Variants in HS6ST2 observed in about 807,000 individuals in gnomAD.
HS6ST2 encodes heparan sulfate 6-O-sulfotransferase 2.
A neutral mutation model predicts 33.0 loss-of-function variants in HS6ST2; 17 were observed. The observed-to-expected ratio is 0.52, with a 90% CI of 0.35 to 0.77. The LOEUF is 0.77. Ranked by LOEUF, HS6ST2 falls within the 30% of genes least tolerant of loss-of-function variation. The pLI is 0.01. For synonymous variants in HS6ST2, 248 were observed against 237.1 expected, an observed-to-expected ratio of 1.05 and a Z score of -0.42; for missense variants, 519 against 551.7, an observed-to-expected ratio of 0.94 and a Z score of 0.59.
At chrX:132,942,850 A>G (rs1446236626) in intron 2 of HS6ST2, among the ~76,000 whole-genome samples, 1 of 112,310 alleles carries the variant, frequency 8.9e-6, no homozygotes, top group East Asian at 2.8e-4. Context: ...AAGGAGCAAG[A>G]TTCTTTGGCC....
At chrX:132,675,194 T>G (rs2063915365) in intron 3 of HS6ST2, among the ~76,000 whole-genome samples, 1 of 110,248 alleles carries the variant, frequency 9.1e-6, no homozygotes, top group East Asian at 2.9e-4. Context: ...AGTAGGCAAT[T>G]AGAGAAATGG....
At chrX:132,908,349 C>T (rs779151007) in intron 2 of HS6ST2, among the ~76,000 whole-genome samples, 1 of 112,095 alleles carries the variant, frequency 8.9e-6, no homozygotes, top group African/African-American at 3.2e-5. Flanking sequence ...TGGAAAACAG[C>T]CTGACAATTC....
intron 2 of HS6ST2, among the ~76,000 whole-genome samples, chrX:132,890,330 T>C (rs1426283384): frequency 9.2e-6 from 1 of 108,992 alleles, no homozygotes; most frequent in Non-Finnish European, 1.9e-5. Flanking sequence ...CCATGCAGTC[T>C]GACTACAAGG....
chrX:132,731,091 T>C (rs948753699), intron 2 of HS6ST2, among the ~76,000 whole-genome samples: 6 of 111,658 alleles, frequency 5.4e-5, no homozygotes, highest in African/African-American at 2.0e-4. Flanking sequence ...TACTTTAGGA[T>C]ACACAGAGAG....
intron 2 of HS6ST2, among the ~76,000 whole-genome samples, chrX:132,841,742 A>C: frequency 8.9e-6 from 1 of 112,233 alleles, no homozygotes; most frequent in Non-Finnish European, 1.9e-5. Flanking sequence ...ATAAAGACAA[A>C]ACTCCAGCTT....
chrX:132,860,128 T>A (rs1388114477), intron 2 of HS6ST2, among the ~76,000 whole-genome samples: 2 of 111,922 alleles, frequency 1.8e-5, no homozygotes, highest in Admixed American at 1.9e-4. Context: ...CGGTGGGTAA[T>A]TTGTTGATTT....
intron 3 of HS6ST2, among the ~76,000 whole-genome samples, chrX:132,706,822 T>C (rs2064192381): frequency 8.9e-6 from 1 of 112,229 alleles, no homozygotes; most frequent in Non-Finnish European, 1.9e-5. Flanking sequence ...TTGAAAAATA[T>C]GCTAGCCTTG....
intron 2 of HS6ST2, among the ~76,000 whole-genome samples, chrX:132,728,999 A>C (rs1358335326): frequency 8.9e-6 from 1 of 112,170 alleles, no homozygotes; most frequent in Non-Finnish European, 1.9e-5. Context: ...TCCCATTGTG[A>C]AGTGGCATTA....
chrX:132,786,647 C>T (rs5933194), intron 2 of HS6ST2, among the ~76,000 whole-genome samples: 31,911 of 104,531 alleles, frequency 0.31, 3,985 homozygotes, highest in Non-Finnish European at 0.35. Context: ...GACAGAGTTT[C>T]GCTCTTGTTA....
intron 2 of HS6ST2, among the ~76,000 whole-genome samples, chrX:132,814,027 C>A: frequency 9.0e-6 from 1 of 111,360 alleles, no homozygotes; most frequent in East Asian, 2.8e-4. Flanking sequence ...TCACTGCAAC[C>A]TTTGCCTCCC....
chrX:132,699,829 G>A lies in HS6ST2; in HGVS notation c.980+8633C>T, dbSNP rs1347348757. Reference sequence around the variant, plus strand: ...TGCAAACAAGCAGCAGTGAGCTTAAGAAACACTTTACTTTGTCTCATGCAT... The same window carrying A: ...TGCAAACAAGCAGCAGTGAGCTTAAAAAACACTTTACTTTGTCTCATGCAT... On this transcript the variant is annotated intron_variant, in intron 3 of 4. Coordinates refer to ENST00000370833, the MANE Select transcript of HS6ST2 (RefSeq NM_001394073.1). Among the ~76,000 whole-genome samples the A allele has an allele frequency of 2.7e-5, 3 of 111,968 alleles. No individual in the cohort carries two copies. The East Asian group carries it at 8.4e-4, about 31-fold the overall frequency.
intron 2 of HS6ST2, among the ~76,000 whole-genome samples, chrX:132,747,553 G>A (rs1001866612): frequency 4.5e-5 from 5 of 110,787 alleles, no homozygotes; most frequent in African/African-American, 1.6e-4. Context: ...GCAAAGACTA[G>A]AAGAAAGAAC....
intron 4 of HS6ST2, among the ~76,000 whole-genome samples, chrX:132,634,380 G>C (rs1332606603): frequency 3.6e-5 from 4 of 112,249 alleles, no homozygotes; most frequent in Non-Finnish European, 5.6e-5. Flanking sequence ...TCACTTAGTA[G>C]TAATTGGACA....
At chrX:132,871,867 T>C (rs2066063068) in intron 2 of HS6ST2, among the ~76,000 whole-genome samples, 1 of 111,163 alleles carries the variant, frequency 9.0e-6, no homozygotes. Flanking sequence ...CACCATGGCA[T>C]GTGTATACAT....
At chrX:132,922,327 A>G (rs2066660402) in intron 2 of HS6ST2, among the ~76,000 whole-genome samples, 1 of 112,072 alleles carries the variant, frequency 8.9e-6, no homozygotes, top group Non-Finnish European at 1.9e-5. Flanking sequence ...CTTCCTAGGC[A>G]GATGTGGATA....
At chrX:132,643,949 C>A (rs1476523975) in intron 4 of HS6ST2, among the ~76,000 whole-genome samples, 1 of 111,848 alleles carries the variant, frequency 8.9e-6, no homozygotes, top group Non-Finnish European at 1.9e-5. Context: ...CGTGAGCCAC[C>A]TACAGAGCTT....
intron 2 of HS6ST2, among the ~76,000 whole-genome samples, chrX:132,922,478 G>A (rs1018007721): frequency 8.9e-6 from 1 of 111,933 alleles, no homozygotes; most frequent in Non-Finnish European, 1.9e-5. Context: ...CATGGCCATG[G>A]TCCTTATCCA....
chrX:132,957,576 C>G (rs1382888131), intron 1 of HS6ST2, among the ~76,000 whole-genome samples: 2 of 109,960 alleles, frequency 1.8e-5, no homozygotes, highest in Non-Finnish European at 3.8e-5. Context: ...GCGGGCCGTT[C>G]GCCCCCTCCC....
chrX:132,660,881 C>T (rs2063766488), intron 4 of HS6ST2, among the ~76,000 whole-genome samples: 1 of 112,003 alleles, frequency 8.9e-6, no homozygotes, highest in Admixed American at 9.5e-5. Flanking sequence ...ACTCACAGTT[C>T]TGTATGGCTG....
Sources: allele counts gnomAD v4.1 joint callset (sites outside exome capture counted in the v4.1 genomes callset), GRCh38; gene constraint gnomAD v4.1.1; transcripts MANE v1.5; gene names NCBI Gene and HGNC (gene_info 2026-07-23, HGNC 2026-07-21).